TECRL: variants seen among roughly 807,000 people sequenced by gnomAD.
TECRL encodes trans-2,3-enoyl-CoA reductase like, also known as trans-2,3-enoyl-CoA reductase-like.
In TECRL, 63 loss-of-function variants were observed where a neutral mutation model predicts 52.8. That is an observed-to-expected ratio of 1.19 (90% confidence interval 0.97 to 1.47). TECRL has a LOEUF of 1.47. Among genes scored for constraint, TECRL ranks in the 40% most tolerant of loss-of-function variants. TECRL has a pLI of 0.00. For synonymous variants in TECRL, 164 were observed against 141.9 expected, an observed-to-expected ratio of 1.16 and a Z score of -1.10; for missense variants, 482 against 429.6, an observed-to-expected ratio of 1.12 and a Z score of -1.08.
intron 10 of TECRL, 34 bp from the exon 11 acceptor site, chr4:64,281,120 A>C: frequency 1.9e-6 from 3 of 1,541,198 alleles, no homozygotes; most frequent in Non-Finnish European, 2.7e-6. Context: ...GCACATACAT[A>C]AATGGAATCT....
chr4:64,375,282 T>A, intron 1 of TECRL, 59 bp from the exon 2 acceptor site: 1 of 946,118 alleles, frequency 1.1e-6, no homozygotes, highest in Non-Finnish European at 1.5e-6. Context: ...TTTCTATCCA[T>A]TTAAGAAAAA....
intron 2 of TECRL, among the ~76,000 whole-genome samples, chr4:64,332,797 A>G (rs1032398271): frequency 1.3e-5 from 2 of 152,156 alleles, no homozygotes; most frequent in African/African-American, 2.4e-5. Context: ...AACTAAAGCA[A>G]AGAGAGATAA....
chr4:64,284,724 T>C (rs1377308196), intron 9 of TECRL, among the ~76,000 whole-genome samples: 2 of 152,096 alleles, frequency 1.3e-5, no homozygotes, highest in Admixed American at 6.6e-5. Flanking sequence ...GAACACAATG[T>C]CTCTAGAAGC....
At position 64,345,348 on chromosome 4, in the gene TECRL, A is replaced by G. The variant is rs1431002495; in HGVS notation, c.287-16792T>C. 3.3e-5 allele frequency among the ~76,000 whole-genome samples: 5 copies of G among 152,298 alleles called. No individual in the cohort carries two copies. In the East Asian group the frequency reaches 9.7e-4, roughly 29 times the overall value. ...TGGATTAAGAAAATGTGGCACATAT[A>G]CACCATGGAATAATATGCAGCCATA... On this transcript the variant is annotated intron_variant, in intron 2 of 11. Coordinates refer to ENST00000381210, the MANE Select transcript of TECRL (RefSeq NM_001010874.5).
chr4:64,334,317 CA>C (rs1718892039), intron 2 of TECRL, among the ~76,000 whole-genome samples: 1 of 152,048 alleles, frequency 6.6e-6, no homozygotes, highest in Non-Finnish European at 1.5e-5. Context: ...TACAATACTT[CA>C]CTGGGATTAA....
intron 3 of TECRL, among the ~76,000 whole-genome samples, chr4:64,327,371 T>C (rs1217899708): frequency 1.3e-5 from 2 of 152,128 alleles, no homozygotes; most frequent in Non-Finnish European, 2.9e-5. Flanking sequence ...AGTCTCTTAA[T>C]AGTGTCCTTC....
Position 64,300,016 on chromosome 4 carries a change from T to G in TECRL, c.732A>C (p.Ser244=). ...ATACTGTGATTTGCCTGTTTCCAAA[T>G]GCTGGAGAGTAGAAAAAGAATATGT... ...YINHPLYTPP[S]FGNRQITVSA... is the part of the protein sequence containing the mutation. Residue 244 remains serine (S), a splice_region_variant and synonymous_variant, in exon 8 of 12, where the codon TCA becomes TCC. Coordinates refer to ENST00000381210, the MANE Select transcript of TECRL (RefSeq NM_001010874.5). The G allele has an allele frequency of 1.9e-6, 3 of 1,572,348 alleles. No individual in the cohort carries two copies. Among genetic ancestry groups the G allele is most frequent in the Non-Finnish European group, 2.6e-6 (3 of 1,155,936 alleles).
chr4:64,287,972 C>G (rs1269659586), intron 9 of TECRL, among the ~76,000 whole-genome samples: 1 of 151,944 alleles, frequency 6.6e-6, no homozygotes, highest in Non-Finnish European at 1.5e-5. Flanking sequence ...CATGGCGAAA[C>G]CCTGTCTCTA....
chr4:64,314,073 C>G (rs1328775097), intron 5 of TECRL, among the ~76,000 whole-genome samples: 1 of 151,018 alleles, frequency 6.6e-6, no homozygotes, highest in Non-Finnish European at 1.5e-5. Flanking sequence ...TAGTGTGAAC[C>G]CGGGAGGCGG....
intron 5 of TECRL, among the ~76,000 whole-genome samples, chr4:64,310,932 C>A (rs2110001386): frequency 6.6e-6 from 1 of 152,186 alleles, no homozygotes; most frequent in African/African-American, 2.4e-5. Flanking sequence ...GTTGCCCAGG[C>A]TAGTCTCAAA....
At chr4:64,310,705 A>G (rs1199126162) in intron 5 of TECRL, among the ~76,000 whole-genome samples, 1 of 152,120 alleles carries the variant, frequency 6.6e-6, no homozygotes, top group African/African-American at 2.4e-5. Context: ...TTCAATACGG[A>G]TCAAAGATGA....
chr4:64,362,651 T>C (rs1202447564), intron 2 of TECRL, among the ~76,000 whole-genome samples: 2 of 152,016 alleles, frequency 1.3e-5, no homozygotes, highest in Non-Finnish European at 2.9e-5. Context: ...GTAAATGCTA[T>C]GAGAATTTCT....
intron 4 of TECRL, among the ~76,000 whole-genome samples, chr4:64,322,465 A>G (rs1454843236): frequency 6.6e-6 from 1 of 151,566 alleles, no homozygotes; most frequent in African/African-American, 2.4e-5. Flanking sequence ...AAAAAAAAAA[A>G]AAAAAAAAAA....
intron 2 of TECRL, among the ~76,000 whole-genome samples, chr4:64,357,365 A>G (rs1412421459): frequency 6.6e-6 from 1 of 151,628 alleles, no homozygotes; most frequent in Non-Finnish European, 1.5e-5. Context: ...TTGGTATTCA[A>G]GTTTACCCTG....
At chr4:64,291,073 C>T (rs1723357679) in intron 8 of TECRL, among the ~76,000 whole-genome samples, 1 of 152,048 alleles carries the variant, frequency 6.6e-6, no homozygotes, top group African/African-American at 2.4e-5. Flanking sequence ...TGGCATGAAC[C>T]TGCATTCACA....
chr4:64,324,175 A>T (rs73821108), intron 3 of TECRL, among the ~76,000 whole-genome samples: 3 of 151,984 alleles, frequency 2.0e-5, no homozygotes, highest in East Asian at 1.9e-4. Flanking sequence ...AATAACCATC[A>T]GACAAGTCTG....
At chr4:64,296,425 CCTAAGTGA>C (rs1377532178) in intron 8 of TECRL, among the ~76,000 whole-genome samples, 1 of 151,682 alleles carries the variant, frequency 6.6e-6, no homozygotes, top group Non-Finnish European at 1.5e-5. Context: ...TTTTAAAACA[CCTAAGTGA>C]CTGAATAACT....
intron 2 of TECRL, among the ~76,000 whole-genome samples, chr4:64,349,570 G>T (rs950278232): frequency 3.9e-5 from 6 of 152,180 alleles, no homozygotes; most frequent in Non-Finnish European, 7.3e-5. Flanking sequence ...TAGATTCTAA[G>T]CTTTAACACA....
chr4:64,372,345 A>C (rs1722033612), intron 2 of TECRL, among the ~76,000 whole-genome samples: 1 of 151,816 alleles, frequency 6.6e-6, no homozygotes, highest in Non-Finnish European at 1.5e-5. Flanking sequence ...TTGTATGTGT[A>C]TGCATAGATC....
Sources: gnomAD v4.1 joint callset for allele counts (sites outside exome capture counted in the v4.1 genomes callset) on GRCh38, gnomAD v4.1.1 for gene constraint, MANE v1.5 for transcripts, NCBI Gene and HGNC (gene_info 2026-07-23, HGNC 2026-07-21) for gene names.